UGT1A9: variants seen among roughly 807,000 people sequenced by gnomAD.
UGT1A9 encodes the protein UDP-glucuronosyltransferase 1A9.
In UGT1A9, 35 loss-of-function variants were observed where a neutral mutation model predicts 45.0. That is an observed-to-expected ratio of 0.78 (90% CI 0.59 to 1.03). The LOEUF is 1.03. Among genes scored for constraint, UGT1A9 ranks in the 50% least tolerant of loss-of-function variants. The pLI, the probability that UGT1A9 is intolerant of heterozygous loss-of-function variation, is 0.00. For missense variants in UGT1A9, 687 were observed against 666.6 expected (o/e 1.03, Z -0.34); for synonymous variants, 278 against 250.6 (o/e 1.11, Z -1.03).
intron 1 of UGT1A9, among the ~76,000 whole-genome samples, chr2:233,697,572 AT>A (rs2075399360): frequency 7.4e-6 from 1 of 134,904 alleles, no homozygotes; most frequent in Non-Finnish European, 1.6e-5. Flanking sequence ...AATTTAATTT[AT>A]TTTTTCCCTG....
rs371021401 is a variant in UGT1A9, at chr2:233,729,953, T to C, written c.856-37081T>C. The stretch of plus-strand genomic sequence containing the variant: ...CCAATCATGCCCAACATGGTCTTCA[T>C]TGGGGGCATCAACTGTGCCAACAGG... On this transcript the variant is annotated intron_variant, in intron 1 of 4. Transcript: ENST00000354728. 4.9e-4 allele frequency: 788 copies of C among 1,614,064 alleles called. 2 individuals are homozygous for C. In the South Asian group the frequency reaches 7.7e-3, roughly 16 times the overall value.
At chr2:233,696,391 G>A (rs898217771) in intron 1 of UGT1A9, among the ~76,000 whole-genome samples, 1 of 151,986 alleles carries the variant, frequency 6.6e-6, no homozygotes, top group Non-Finnish European at 1.5e-5. Context: ...TTCTTTGTAC[G>A]TTTTGTAAAT....
intron 1 of UGT1A9, chr2:233,717,656 G>A: frequency 2.5e-6 from 1 of 406,942 alleles, no homozygotes; most frequent in East Asian, 7.2e-5. Context: ...GGACAAGGAA[G>A]CATCAGCAAT....
intron 1 of UGT1A9, chr2:233,743,204 C>A (rs187896113): frequency 1.0e-4 from 39 of 388,848 alleles, no homozygotes; most frequent in Non-Finnish European, 1.8e-4. Flanking sequence ...GGTGTCAATG[C>A]GGAGTAACTG....
intron 1 of UGT1A9, among the ~76,000 whole-genome samples, chr2:233,731,408 T>C (rs2078155079): frequency 6.6e-6 from 1 of 152,094 alleles, no homozygotes; most frequent in Non-Finnish European, 1.5e-5. Flanking sequence ...TTACATTAGG[T>C]ATTTTTCCTA....
chr2:233,721,867 A>G (rs1329615455), intron 1 of UGT1A9: 1 of 503,090 alleles, frequency 2.0e-6, no homozygotes, highest in African/African-American at 1.9e-5. Context: ...GGCCCTGGGC[A>G]CACTTGCCAG....
chr2:233,735,071 T>C (rs1186471486), intron 1 of UGT1A9, among the ~76,000 whole-genome samples: 1 of 152,214 alleles, frequency 6.6e-6, no homozygotes, highest in Non-Finnish European at 1.5e-5. Flanking sequence ...GATATCCTTG[T>C]TAACCTTTGG....
chr2:233,755,236 G>A (rs1242283792), intron 1 of UGT1A9: 7 of 905,796 alleles, frequency 7.7e-6, no homozygotes, highest in East Asian at 5.0e-5. Context: ...GAGGCCTACC[G>A]GGGTACTCCC....
chr2:233,727,030 G>T (rs2077579042), intron 1 of UGT1A9, among the ~76,000 whole-genome samples: 1 of 152,072 alleles, frequency 6.6e-6, no homozygotes, highest in South Asian at 2.1e-4. Flanking sequence ...TGTACCCTAA[G>T]GAATCTTTAC....
At chr2:233,757,560 A>ATATATATATATATATATATATG (rs904896556) in intron 1 of UGT1A9, among the ~76,000 whole-genome samples, 6 of 123,150 alleles carry the variant, frequency 4.9e-5, no homozygotes, top group African/African-American at 2.0e-4. Flanking sequence ...ATATATATAT[A>ATATATATATATATATATATATG]TGTATATATG....
At chr2:233,757,062 G>C (rs1469367274) in intron 1 of UGT1A9, among the ~76,000 whole-genome samples, 1 of 151,518 alleles carries the variant, frequency 6.6e-6, no homozygotes, top group South Asian at 2.1e-4. Flanking sequence ...GAACAGCAAG[G>C]GATCCAGAAT....
At chr2:233,687,721 A>ACG (rs781036903) in intron 1 of UGT1A9, among the ~76,000 whole-genome samples, 5 of 152,046 alleles carry the variant, frequency 3.3e-5, no homozygotes, top group Non-Finnish European at 5.9e-5. Context: ...TGGACAACAT[A>ACG]GGGAGACACT....
At chr2:233,732,080 C>A (rs1261829762) in intron 1 of UGT1A9, among the ~76,000 whole-genome samples, 1 of 152,166 alleles carries the variant, frequency 6.6e-6, no homozygotes, top group Non-Finnish European at 1.5e-5. Context: ...GCATAAATGT[C>A]TTCTTTTGAG....
intron 1 of UGT1A9, among the ~76,000 whole-genome samples, 182 bp downstream of exon 1, chr2:233,672,971 C>T (rs1196554847): frequency 6.6e-6 from 1 of 152,152 alleles, no homozygotes; most frequent in Non-Finnish European, 1.5e-5. Flanking sequence ...AACTGCCCTT[C>T]TTGAAGATAT....
At chr2:233,768,612 A>C (rs1575836446) in intron 4 of UGT1A9, among the ~76,000 whole-genome samples, 173 bp downstream of exon 4, 1 of 107,010 alleles carries the variant, frequency 9.3e-6, no homozygotes, top group African/African-American at 3.6e-5. Context: ...TTTGAGATGG[A>C]GTCTTGCTCT....
At chr2:233,717,451 T>C (rs1244065037) in intron 1 of UGT1A9, among the ~76,000 whole-genome samples, 1 of 152,228 alleles carries the variant, frequency 6.6e-6, no homozygotes, top group Non-Finnish European at 1.5e-5. Flanking sequence ...ATCCATTCAC[T>C]GCCTGTCCCA....
intron 1 of UGT1A9, among the ~76,000 whole-genome samples, chr2:233,761,366 G>T (rs541123734): frequency 6.6e-6 from 1 of 152,292 alleles, no homozygotes; most frequent in Admixed American, 6.5e-5. Context: ...GCATTCCTTG[G>T]ACATTTTACT....
At chr2:233,768,719 A>G (rs553176637) in intron 4 of UGT1A9, among the ~76,000 whole-genome samples, 366 of 149,864 alleles carry the variant, frequency 2.4e-3, no homozygotes, top group African/African-American at 8.5e-3. Flanking sequence ...TGTAGCTGGG[A>G]TTACAGGTGT....
intron 1 of UGT1A9, chr2:233,693,464 C>T: frequency 6.2e-7 from 1 of 1,614,126 alleles, no homozygotes; most frequent in Non-Finnish European, 8.5e-7. Flanking sequence ...CCCAGCCTTA[C>T]CCTGTGGGGT....
Sources: gnomAD v4.1 joint callset for allele counts (sites outside exome capture counted in the v4.1 genomes callset) on GRCh38, gnomAD v4.1.1 for gene constraint, MANE v1.5 for transcripts, NCBI Gene and HGNC (gene_info 2026-07-23, HGNC 2026-07-21) for gene names.